SASH1: variants seen among roughly 807,000 people sequenced by gnomAD.
The protein encoded by SASH1 is SAM and SH3 domain-containing protein 1.
A neutral mutation model predicts 125.2 loss-of-function variants in SASH1; 44 were observed. The ratio of observed to expected loss-of-function variants is 0.35; its 90% confidence interval spans 0.28 to 0.45. SASH1 has a LOEUF of 0.45. Ranked by LOEUF, SASH1 falls within the 20% of genes least tolerant of loss-of-function variation. SASH1 has a pLI of 1.00. For synonymous variants in SASH1, 639 were observed against 649.1 expected (o/e 0.98, Z 0.24); for missense variants, 1,426 against 1,614.5 (o/e 0.88, Z 2.00).
At chr6:148,429,671 A>C (rs965419023) in intron 2 of SASH1, among the ~76,000 whole-genome samples, 36 of 151,898 alleles carry the variant, frequency 2.4e-4, no homozygotes, top group African/African-American at 8.7e-4. Context: ...TGAGTTTAGG[A>C]GGTCAAGGCT....
the SASH1 span, among the ~76,000 whole-genome samples, chr6:148,261,033 G>T: frequency 6.6e-6 from 1 of 152,124 alleles, no homozygotes; most frequent in Non-Finnish European, 1.5e-5. Flanking sequence ...TCGAACTCCT[G>T]ACCTCAGGTG....
rs1204219536 is a variant in SASH1 at position 148,354,179 on chromosome 6, CAG to C, written c.156+10958_156+10959del. ...GACATTGTGTCAAAACAAAGCAAAACAGAACAAAAAAGAAAGAAAAAAAGAGA... is the reference window on the plus strand; with the variant it reads ...GACATTGTGTCAAAACAAAGCAAAACAACAAAAAAGAAAGAAAAAAAGAGA... On this transcript the variant is annotated intron_variant, in intron 1 of 19. Transcript: ENST00000367467. Among the ~76,000 whole-genome samples, 11 of 151,526 alleles carry C rather than the reference CAG, an allele frequency of 7.3e-5. No individual in the cohort carries two copies. The East Asian group carries it at 2.1e-3, about 29-fold the overall frequency.
At chr6:148,246,144 CCT>C in the SASH1 span, among the ~76,000 whole-genome samples, 16 of 150,384 alleles carry the variant, frequency 1.1e-4, no homozygotes, top group Non-Finnish European at 1.3e-4. Flanking sequence ...GTCTCTCTCT[CCT>C]CTCTCTCTCT....
chr6:148,237,285 T>C, the SASH1 span, among the ~76,000 whole-genome samples: 1 of 152,164 alleles, frequency 6.6e-6, no homozygotes. Flanking sequence ...AGCCTAGAGA[T>C]AGAATGATCA....
chr6:148,238,607 A>C, the SASH1 span, among the ~76,000 whole-genome samples: 1 of 135,504 alleles, frequency 7.4e-6, no homozygotes, highest in Non-Finnish European at 1.5e-5. Context: ...TAATGTGTGT[A>C]TGTGTCATAC....
intron 19 of SASH1, among the ~76,000 whole-genome samples, chr6:148,547,293 G>A (rs899102736): frequency 4.6e-5 from 7 of 152,170 alleles, no homozygotes; most frequent in Non-Finnish European, 1.0e-4. Flanking sequence ...AAGTGACTGC[G>A]GGGCTGGTGG....
At chr6:148,296,250 C>T (rs559625080) in intron 1 of SASH1, among the ~76,000 whole-genome samples, 3 of 152,158 alleles carry the variant, frequency 2.0e-5, no homozygotes, top group African/African-American at 2.4e-5. Flanking sequence ...CTCAGCATCC[C>T]GAGTAGCTGG....
At chr6:148,513,919 G>A (rs1356523022) in intron 8 of SASH1, 5 of 988,116 alleles carry the variant, frequency 5.1e-6, no homozygotes, top group Admixed American at 6.1e-5. Context: ...TGATGACCAC[G>A]TTAAACAGCA....
At chr6:148,465,053 A>T (rs1380940180) in intron 4 of SASH1, among the ~76,000 whole-genome samples, 2 of 152,200 alleles carry the variant, frequency 1.3e-5, no homozygotes, top group East Asian at 3.9e-4. Context: ...AAATATTGTC[A>T]GTCATCATTT....
chr6:148,337,666 G>T (rs1440378486), intron 1 of SASH1, among the ~76,000 whole-genome samples: 1 of 152,092 alleles, frequency 6.6e-6, no homozygotes, highest in East Asian at 1.9e-4. Flanking sequence ...CTGGCCCTAA[G>T]AACAAGTTTT....
At chr6:148,300,926 T>C (rs551424995) in intron 1 of SASH1, among the ~76,000 whole-genome samples, 19 of 152,272 alleles carry the variant, frequency 1.2e-4, no homozygotes, top group African/African-American at 4.3e-4. Flanking sequence ...CCTTTTTTAT[T>C]AGTAGTCATT....
At chr6:148,303,725 G>A (rs553469126) in intron 1 of SASH1, among the ~76,000 whole-genome samples, 2 of 151,670 alleles carry the variant, frequency 1.3e-5, no homozygotes, top group South Asian at 2.1e-4. Context: ...AACTCGGGAG[G>A]TGGAGGTTCC....
intron 1 of SASH1, among the ~76,000 whole-genome samples, chr6:148,287,695 G>T (rs113940714): frequency 8.8e-5 from 13 of 147,178 alleles, no homozygotes; most frequent in Non-Finnish European, 1.5e-4. Context: ...GCGTGTGTGT[G>T]GGGGGGTGGG....
chr6:148,260,469 A>G, the SASH1 span, among the ~76,000 whole-genome samples: 3 of 151,972 alleles, frequency 2.0e-5, no homozygotes, highest in African/African-American at 7.2e-5. Context: ...TTAGCCAGGT[A>G]TGGTAGAACA....
intron 2 of SASH1, among the ~76,000 whole-genome samples, chr6:148,404,131 G>A (rs1784282571): frequency 6.6e-6 from 1 of 152,052 alleles, no homozygotes; most frequent in Non-Finnish European, 1.5e-5. Context: ...CATAAAGTGA[G>A]GCTTTCTTAT....
the SASH1 span, among the ~76,000 whole-genome samples, chr6:148,212,743 A>T: frequency 6.6e-6 from 1 of 152,208 alleles, no homozygotes; most frequent in South Asian, 2.1e-4. Context: ...TCACTTCCTC[A>T]TTATCTCATT....
At chr6:148,381,688 C>G (rs187980399) in intron 1 of SASH1, among the ~76,000 whole-genome samples, 14 of 130,280 alleles carry the variant, frequency 1.1e-4, no homozygotes, top group Non-Finnish European at 1.9e-4. Flanking sequence ...TGCAGTGGCG[C>G]AATAATCTTG....
chr6:148,318,629 T>C (rs1447051145), intron 1 of SASH1, among the ~76,000 whole-genome samples: 2 of 130,218 alleles, frequency 1.5e-5, no homozygotes, highest in Non-Finnish European at 3.5e-5. Context: ...CTTGGCTCAC[T>C]GCAAGCTCCG....
intron 1 of SASH1, among the ~76,000 whole-genome samples, chr6:148,274,545 G>T (rs1779138096): frequency 6.6e-6 from 1 of 152,188 alleles, no homozygotes; most frequent in Admixed American, 6.5e-5. Context: ...GGGTTTTTGT[G>T]CTGAGGATGC....
Sources: allele counts gnomAD v4.1 joint callset (sites outside exome capture counted in the v4.1 genomes callset), GRCh38; gene constraint gnomAD v4.1.1; transcripts MANE v1.5; gene names NCBI Gene and HGNC (gene_info 2026-07-23, HGNC 2026-07-21).